The following YAF2 variants were observed in gnomAD, a reference collection of about 807,000 sequenced individuals.
YAF2 encodes the protein YY1-associated factor 2.
YAF2 carries 7 observed loss-of-function variants against 20.1 expected under a neutral mutation model. The ratio of observed to expected loss-of-function variants is 0.35; its 90% confidence interval spans 0.20 to 0.65. YAF2 has a LOEUF of 0.65. Ranked by LOEUF, YAF2 falls within the 30% of genes least tolerant of loss-of-function variation. The probability of loss-of-function intolerance (pLI) is 0.69; values close to 1 mark genes in which losing one functional copy is unlikely to be tolerated. For missense variants in YAF2, 151 were observed against 219.2 expected (o/e 0.69, Z 1.96); for synonymous variants, 74 against 76.0 (o/e 0.97, Z 0.14).
chr12:42,237,473 C>T, intron 2 of YAF2, 126 bp downstream of exon 2: 4 of 1,357,414 alleles, frequency 2.9e-6, no homozygotes, highest in Non-Finnish European at 3.8e-6. Flanking sequence ...CCTATCGCCA[C>T]AGCCACCTCC....
At chr12:42,216,622 T>C (rs2067366228) in intron 2 of YAF2, among the ~76,000 whole-genome samples, 1 of 152,198 alleles carries the variant, frequency 6.6e-6, no homozygotes, top group Non-Finnish European at 1.5e-5. Context: ...CTCCCTGATC[T>C]GTCTTACCCA....
At chr12:42,176,800 A>C (rs1215643420) in intron 2 of YAF2, among the ~76,000 whole-genome samples, 7 of 152,068 alleles carry the variant, frequency 4.6e-5, no homozygotes, top group Non-Finnish European at 1.0e-4. Flanking sequence ...CGTCACCACT[A>C]AAAATACAAA....
intron 2 of YAF2, among the ~76,000 whole-genome samples, chr12:42,224,148 G>A (rs2067611000): frequency 6.6e-6 from 1 of 152,108 alleles, no homozygotes; most frequent in African/African-American, 2.4e-5. Flanking sequence ...TCAACTCCTT[G>A]TATTTACTCA....
chr12:42,165,845 C>T (rs1032092429), intron 2 of YAF2, among the ~76,000 whole-genome samples: 1 of 143,014 alleles, frequency 7.0e-6, no homozygotes, highest in Non-Finnish European at 1.5e-5. Context: ...TATGAACATT[C>T]ATCTTGTAAG....
chr12:42,162,223 T>C (rs1320646091), intron 2 of YAF2, among the ~76,000 whole-genome samples: 1 of 152,190 alleles, frequency 6.6e-6, no homozygotes, highest in African/African-American at 2.4e-5. Context: ...TAATAAACAT[T>C]TATTATCAAA....
At chr12:42,227,761 C>A (rs1389907643) in intron 2 of YAF2, among the ~76,000 whole-genome samples, 1 of 149,686 alleles carries the variant, frequency 6.7e-6, no homozygotes, top group Non-Finnish European at 1.5e-5. Flanking sequence ...GGGGTCAGCC[C>A]CCCGCCTGGC....
intron 2 of YAF2, among the ~76,000 whole-genome samples, chr12:42,171,676 G>A (rs541734512): frequency 3.3e-5 from 5 of 152,168 alleles, no homozygotes; most frequent in Non-Finnish European, 7.4e-5. Context: ...ATATCTGGCT[G>A]GGCGTGGTAG....
intron 2 of YAF2, among the ~76,000 whole-genome samples, chr12:42,174,929 A>G (rs1055666185): frequency 1.3e-5 from 2 of 152,244 alleles, no homozygotes; most frequent in Non-Finnish European, 2.9e-5. Flanking sequence ...AATCTTTTCT[A>G]TGCATCAAAG....
chr12:42,208,052 G>A (rs939945649), intron 2 of YAF2, among the ~76,000 whole-genome samples: 1 of 152,144 alleles, frequency 6.6e-6, no homozygotes, highest in African/African-American at 2.4e-5. Flanking sequence ...CCCAGTTTAA[G>A]AGTTGCATAT....
intron 2 of YAF2, among the ~76,000 whole-genome samples, chr12:42,236,425 A>C (rs114972132): frequency 0.011 from 1,600 of 152,324 alleles, 28 homozygotes; most frequent in African/African-American, 0.037. Flanking sequence ...ATATTTTATC[A>C]ATTGTGGGAA....
At chr12:42,184,646 G>A (rs2137064277) in intron 2 of YAF2, among the ~76,000 whole-genome samples, 1 of 152,192 alleles carries the variant, frequency 6.6e-6, no homozygotes. Flanking sequence ...ATTTCATAAG[G>A]CTATAGCTGC....
intron 2 of YAF2, among the ~76,000 whole-genome samples, chr12:42,198,692 A>C (rs1012906372): frequency 6.6e-6 from 1 of 152,238 alleles, no homozygotes; most frequent in African/African-American, 2.4e-5. Context: ...ATGCTCTGTA[A>C]AATTCCGAAA....
chr12:42,234,071 T>C (rs934549936), intron 2 of YAF2: 3 of 637,420 alleles, frequency 4.7e-6, no homozygotes, highest in Admixed American at 1.3e-4. Flanking sequence ...CCACAGAGGC[T>C]GAGGCATGAG....
In YAF2 at chr12:42,227,252, G is replaced by A. The variant is rs1160585980; in HGVS notation, c.152+10347C>T. ...AGTGCCGAGATTGCAGCCTCTGCCCGGCCGCCACCCCGTCTGGGAAGTGAG... is the reference window on the plus strand; with the variant it reads ...AGTGCCGAGATTGCAGCCTCTGCCCAGCCGCCACCCCGTCTGGGAAGTGAG... On this transcript the variant is annotated intron_variant, in intron 2 of 3. Coordinates refer to ENST00000534854, the MANE Select transcript of YAF2 (RefSeq NM_005748.6). 6.4e-3 allele frequency among the ~76,000 whole-genome samples: 787 copies of A among 123,726 alleles called. 3 individuals carry two copies. Among genetic ancestry groups the A allele is most frequent in the African/African-American group, 0.02 (578 of 28,470 alleles). The allele number at this position is 123,726 out of a possible 152,430, so 81.2% of individuals were successfully genotyped here.
At chr12:42,207,456 A>G (rs1209803573) in intron 2 of YAF2, among the ~76,000 whole-genome samples, 1 of 140,724 alleles carries the variant, frequency 7.1e-6, no homozygotes, top group Non-Finnish European at 1.6e-5. Flanking sequence ...TTTATATGCC[A>G]CAAGATAAAT....
At chr12:42,203,643 AT>A (rs147178600) in intron 2 of YAF2, among the ~76,000 whole-genome samples, 3,561 of 152,170 alleles carry the variant, frequency 0.023, 135 homozygotes, top group African/African-American at 0.082. Flanking sequence ...ATTTATCTAG[AT>A]TTTTTCCTAA....
Position 42,161,542 on chromosome 12 carries a change from G to T in YAF2, c.305+71C>A, listed in dbSNP as rs534184566. ...TTTTACTTCCACTTTGTGTATATTA[G>T]TATGTCAAGGTTAAAAAAATTAAAT... On this transcript the variant is annotated intron_variant, in intron 3 of 3. Transcript: ENST00000534854. The T allele has an allele frequency of 7.5e-5, 109 of 1,454,646 alleles. No individual in the cohort carries two copies. The African/African-American group carries it at 1.5e-3, about 19-fold the overall frequency. The allele number at this position is 1,454,646 out of a possible 1,614,324, so 90.1% of individuals were successfully genotyped here.
chr12:42,223,291 A>G (rs188521225), intron 2 of YAF2, among the ~76,000 whole-genome samples: 105 of 152,168 alleles, frequency 6.9e-4, no homozygotes, highest in African/African-American at 2.3e-3. Context: ...CATCAATTAT[A>G]TAACTATCAT....
chr12:42,171,523 A>C (rs2066048166), intron 2 of YAF2, among the ~76,000 whole-genome samples: 1 of 152,068 alleles, frequency 6.6e-6, no homozygotes. Flanking sequence ...AAAAAAAGAA[A>C]GAAAGAAAGA....
Sources: gnomAD v4.1 joint callset for allele counts (sites outside exome capture counted in the v4.1 genomes callset) on GRCh38, gnomAD v4.1.1 for gene constraint, MANE v1.5 for transcripts, NCBI Gene and HGNC (gene_info 2026-07-23, HGNC 2026-07-21) for gene names.